Variants in INPP4B observed in about 807,000 individuals in gnomAD.
The protein encoded by INPP4B is inositol polyphosphate-4-phosphatase type II B.
Under a neutral mutation model 122.5 loss-of-function variants are expected in INPP4B, and 55 were observed. The ratio of observed to expected loss-of-function variants is 0.45; its 90% CI spans 0.36 to 0.56. The LOEUF (loss-of-function observed/expected upper bound fraction) is 0.56. INPP4B is among the 20% of genes least tolerant of loss of function. The pLI, the probability that INPP4B is intolerant of heterozygous loss-of-function variation, is 0.00. For missense variants in INPP4B, 1,000 were observed against 1,097.7 expected (o/e 0.91, Z 1.26); for synonymous variants, 403 against 388.7 (o/e 1.04, Z -0.43).
chr4:142,439,504 T>G (rs1811241793), intron 3 of INPP4B, among the ~76,000 whole-genome samples: 2 of 152,336 alleles, frequency 1.3e-5, no homozygotes, highest in South Asian at 4.1e-4. Context: ...CCCTCCTTCA[T>G]GGATTCTTTC....
At chr4:142,177,185 G>A (rs1431673726) in intron 15 of INPP4B, among the ~76,000 whole-genome samples, 1 of 152,044 alleles carries the variant, frequency 6.6e-6, no homozygotes. Flanking sequence ...CTCACCTACT[G>A]AGGCTGAAAG....
At chr4:142,546,565 A>G (rs1366745317) in intron 2 of INPP4B, among the ~76,000 whole-genome samples, 1 of 152,152 alleles carries the variant, frequency 6.6e-6, no homozygotes, top group Non-Finnish European at 1.5e-5. Context: ...TATGCCACTA[A>G]TAAGTTAGGA....
intron 1 of INPP4B, among the ~76,000 whole-genome samples, chr4:142,785,178 C>T (rs1204360531): frequency 6.6e-6 from 1 of 152,072 alleles, no homozygotes; most frequent in African/African-American, 2.4e-5. Flanking sequence ...CCTCTGGTAC[C>T]TATAGCTATA....
intron 2 of INPP4B, among the ~76,000 whole-genome samples, chr4:142,636,822 T>C (rs1012688459): frequency 1.3e-5 from 2 of 152,064 alleles, no homozygotes; most frequent in African/African-American, 4.8e-5. Flanking sequence ...AAAATATTAT[T>C]TTTATTGAAT....
intron 2 of INPP4B, among the ~76,000 whole-genome samples, chr4:142,672,433 T>C (rs1757143772): frequency 6.6e-6 from 1 of 152,100 alleles, no homozygotes; most frequent in Non-Finnish European, 1.5e-5. Flanking sequence ...TGGTGTTTGT[T>C]TGTTTGTTTG....
intron 1 of INPP4B, among the ~76,000 whole-genome samples, chr4:142,742,550 T>C (rs1037208570): frequency 3.9e-5 from 6 of 151,924 alleles, no homozygotes; most frequent in East Asian, 1.9e-4. Context: ...AGAAAAAATA[T>C]AGTCTTAGTA....
intron 15 of INPP4B, among the ~76,000 whole-genome samples, chr4:142,182,499 G>A (rs1831283681): frequency 8.0e-6 from 1 of 125,430 alleles, no homozygotes; most frequent in East Asian, 2.5e-4. Context: ...AGTGAGCAGA[G>A]ATCACGCCGC....
At chr4:142,199,199 TA>T (rs1460988903) in intron 14 of INPP4B, among the ~76,000 whole-genome samples, 6 of 152,110 alleles carry the variant, frequency 3.9e-5, no homozygotes, top group Non-Finnish European at 1.5e-5. Context: ...ACAATGTCGA[TA>T]AAAAAATAAA....
At chr4:142,800,274 T>C (rs1227075713) in intron 1 of INPP4B, among the ~76,000 whole-genome samples, 1 of 152,124 alleles carries the variant, frequency 6.6e-6, no homozygotes, top group East Asian at 1.9e-4. Flanking sequence ...AGTAATAATT[T>C]ATACCAGGCA....
At chr4:142,467,735 A>T (rs1017509091) in intron 2 of INPP4B, among the ~76,000 whole-genome samples, 1 of 152,000 alleles carries the variant, frequency 6.6e-6, no homozygotes, top group Admixed American at 6.5e-5. Context: ...GCAAAATGAT[A>T]TGGTTTGGAT....
chr4:142,609,445 A>C (rs1170175150), intron 2 of INPP4B, among the ~76,000 whole-genome samples: 1 of 152,036 alleles, frequency 6.6e-6, no homozygotes, highest in South Asian at 2.1e-4. Flanking sequence ...AAAAAAAGTT[A>C]TCTCTCCTGT....
intron 2 of INPP4B, among the ~76,000 whole-genome samples, chr4:142,623,668 T>C (rs1407822747): frequency 6.6e-6 from 1 of 151,808 alleles, no homozygotes; most frequent in Non-Finnish European, 1.5e-5. Flanking sequence ...GCTGCACCCA[T>C]TAACTCATCA....
chr4:142,262,549 CCTAT>C (rs1740608896), intron 10 of INPP4B, among the ~76,000 whole-genome samples: 2 of 152,004 alleles, frequency 1.3e-5, no homozygotes, highest in South Asian at 4.2e-4. Flanking sequence ...TTCCTTTTAC[CCTAT>C]CTTTTTTTCT....
chr4:142,296,864 A>C (rs2627810), intron 9 of INPP4B, among the ~76,000 whole-genome samples: 128,042 of 152,174 alleles, frequency 0.84, 54,589 homozygotes, highest in East Asian at 0.98. Flanking sequence ...AAATTTCAGG[A>C]AATCGTGTCC....
intron 4 of INPP4B, among the ~76,000 whole-genome samples, chr4:142,430,446 A>G (rs1453922818): frequency 6.6e-6 from 1 of 152,134 alleles, no homozygotes; most frequent in Non-Finnish European, 1.5e-5. Flanking sequence ...GTAAATTAAA[A>G]GAGAAGGTTA....
intron 7 of INPP4B, among the ~76,000 whole-genome samples, chr4:142,375,281 C>G (rs188346154): frequency 1.3e-4 from 19 of 151,858 alleles, no homozygotes; most frequent in Admixed American, 6.6e-4. Flanking sequence ...TTCCCTCCCC[C>G]ACCCTTTTTT....
chr4:142,361,635 A>C (rs1003724107), intron 7 of INPP4B, among the ~76,000 whole-genome samples: 1 of 151,900 alleles, frequency 6.6e-6, no homozygotes, highest in Non-Finnish European at 1.5e-5. Flanking sequence ...CTTTATTGTT[A>C]ATTTCTCTCA....
At chr4:142,580,472 T>C (rs1734835519) in intron 2 of INPP4B, among the ~76,000 whole-genome samples, 1 of 151,942 alleles carries the variant, frequency 6.6e-6, no homozygotes. Context: ...TTCTTAGGAA[T>C]CTCTAATTAA....
chr4:142,406,796 ATCTC>A (rs1209969732), intron 5 of INPP4B, among the ~76,000 whole-genome samples: 2 of 152,230 alleles, frequency 1.3e-5, no homozygotes, highest in African/African-American at 2.4e-5. Context: ...TTTGCTAATT[ATCTC>A]TCTATTCCTT....
Sources: gnomAD v4.1 joint callset for allele counts (sites outside exome capture counted in the v4.1 genomes callset) on GRCh38, gnomAD v4.1.1 for gene constraint, MANE v1.5 for transcripts, NCBI Gene and HGNC (gene_info 2026-07-23, HGNC 2026-07-21) for gene names.